The following ANKRD17 variants were observed in gnomAD, a reference collection of about 807,000 sequenced individuals.
ANKRD17 encodes ankyrin repeat domain-containing protein 17.
In ANKRD17, 19 loss-of-function variants were observed where a neutral mutation model predicts 229.7. The ratio of observed to expected loss-of-function variants is 0.08; its 90% CI spans 0.06 to 0.12. The LOEUF (loss-of-function observed/expected upper bound fraction) is 0.12. Ranked by LOEUF, ANKRD17 falls within the 10% of genes least tolerant of loss-of-function variation. The pLI, the probability that ANKRD17 is intolerant of heterozygous loss-of-function variation, is 1.00. For synonymous variants in ANKRD17, 1,112 were observed against 1,146.1 expected (o/e 0.97, Z 0.60); for missense variants, 2,176 against 3,176.8 (o/e 0.68, Z 7.57).
chr4:73,210,806 C>A (rs1740149587), intron 1 of ANKRD17, among the ~76,000 whole-genome samples: 1 of 151,492 alleles, frequency 6.6e-6, no homozygotes, highest in African/African-American at 2.4e-5. Flanking sequence ...TATGAGTCCT[C>A]CAAATCATCT....
At chr4:73,090,105 T>C (rs867338734) in intron 29 of ANKRD17, among the ~76,000 whole-genome samples, 13 of 152,196 alleles carry the variant, frequency 8.5e-5, no homozygotes, top group Admixed American at 3.9e-4. Context: ...ATGAAAGACT[T>C]CTGAGAGAGA....
At chr4:73,159,394 C>T (rs1384440499) in intron 3 of ANKRD17, among the ~76,000 whole-genome samples, 3 of 152,154 alleles carry the variant, frequency 2.0e-5, no homozygotes, top group Non-Finnish European at 4.4e-5. Context: ...TGTATACCAG[C>T]TTGAAAACAA....
In ANKRD17 at chr4:73,092,019, A is replaced by G; in HGVS notation, c.5609T>C (p.Val1870Ala). The part of the protein sequence containing the change: ...ASTHKTIKNP[V>A]NNVRPGFPVS... ...TGGAAAACCAGGCCTCACATTATTCACTGGGTTCTTAATGGTTTTGTGAGT... is the reference window on the plus strand; with the variant it reads ...TGGAAAACCAGGCCTCACATTATTCGCTGGGTTCTTAATGGTTTTGTGAGT... Residue 1870 changes from valine (V) to alanine (A), a missense_variant, in exon 29 of 34, where the codon GTG becomes GCG. Transcript: ENST00000358602. The G allele has an allele frequency of 1.2e-6, 2 of 1,614,186 alleles. No homozygotes were observed. The highest frequency in any genetic ancestry group is 2.2e-5 in the South Asian group (2 of 91,086).
intron 16 of ANKRD17, among the ~76,000 whole-genome samples, chr4:73,133,122 C>T (rs978600219): frequency 6.6e-5 from 10 of 151,816 alleles, no homozygotes; most frequent in Admixed American, 4.6e-4. Flanking sequence ...TGATGGTGGG[C>T]GCCTGTAATC....
At chr4:73,092,390 A>T (rs1722875929) in intron 28 of ANKRD17, 90 bp from the exon 29 acceptor site, 1 of 1,053,192 alleles carries the variant, frequency 9.5e-7, no homozygotes, top group Non-Finnish European at 1.4e-6. Context: ...ACACAAACAC[A>T]CACACAGTTT....
At chr4:73,138,235 T>C (rs1729158166) in intron 15 of ANKRD17, among the ~76,000 whole-genome samples, 2 of 152,128 alleles carry the variant, frequency 1.3e-5, no homozygotes, top group South Asian at 2.1e-4. Context: ...TTCAAATCTA[T>C]AGAAAAATTT....
chr4:73,110,793 T>G (rs1351815772), intron 24 of ANKRD17, among the ~76,000 whole-genome samples: 2 of 152,230 alleles, frequency 1.3e-5, no homozygotes, highest in African/African-American at 4.8e-5. Context: ...CACTCAAAAC[T>G]ATACATAAAA....
At chr4:73,141,643 C>T (rs1252707265) in intron 14 of ANKRD17, 98 bp downstream of exon 14, 7 of 1,186,654 alleles carry the variant, frequency 5.9e-6, no homozygotes, top group Admixed American at 2.2e-5. Context: ...GTAATGCCAA[C>T]TTAGTAAACT....
chr4:73,164,314 T>A (rs949887917), intron 2 of ANKRD17, among the ~76,000 whole-genome samples: 1 of 152,258 alleles, frequency 6.6e-6, no homozygotes, highest in Non-Finnish European at 1.5e-5. Context: ...TAAATCTTTA[T>A]GAACTTCTTG....
chr4:73,177,560 G>A, intron 1 of ANKRD17, 27 bp from the exon 2 acceptor site: 8 of 1,568,102 alleles, frequency 5.1e-6, no homozygotes, highest in East Asian at 4.5e-5. Context: ...AAAAGAGGGA[G>A]GAAGGGAGAA....
At chr4:73,202,318 TAAAAAAAAA>T (rs10533861) in intron 1 of ANKRD17, among the ~76,000 whole-genome samples, 2 of 21,938 alleles carry the variant, frequency 9.1e-5, no homozygotes, top group African/African-American at 1.9e-4. Context: ...GGAACAGGAT[TAAAAAAAAA>T]AAAAAAAAAA....
At chr4:73,183,985 G>A (rs1735926644) in intron 1 of ANKRD17, among the ~76,000 whole-genome samples, 1 of 152,056 alleles carries the variant, frequency 6.6e-6, no homozygotes, top group African/African-American at 2.4e-5. Context: ...ATTTAATAAT[G>A]AAAACCAAGG....
intron 1 of ANKRD17, among the ~76,000 whole-genome samples, chr4:73,199,507 C>G (rs955730931): frequency 5.9e-5 from 9 of 152,098 alleles, no homozygotes; most frequent in African/African-American, 2.2e-4. Context: ...AGAAATTTAA[C>G]AATTACAGTT....
chr4:73,218,889 C>T (rs761800548), intron 1 of ANKRD17, among the ~76,000 whole-genome samples: 4 of 152,020 alleles, frequency 2.6e-5, no homozygotes, highest in Non-Finnish European at 4.4e-5. Flanking sequence ...AGTGAAACCC[C>T]GTCTCTACTA....
intron 2 of ANKRD17, among the ~76,000 whole-genome samples, chr4:73,177,139 C>T (rs1301144314): frequency 1.3e-5 from 2 of 152,154 alleles, no homozygotes; most frequent in East Asian, 3.9e-4. Context: ...AATAATCAAA[C>T]TCAACTGAAA....
intron 1 of ANKRD17, among the ~76,000 whole-genome samples, chr4:73,257,044 C>T (rs1745515113): frequency 6.6e-6 from 1 of 152,204 alleles, no homozygotes; most frequent in South Asian, 2.1e-4. Context: ...ACCAGACTTG[C>T]ATCAAAATAA....
chr4:73,250,018 C>A (rs936086097), intron 1 of ANKRD17, among the ~76,000 whole-genome samples: 1 of 152,058 alleles, frequency 6.6e-6, no homozygotes, highest in African/African-American at 2.4e-5. Context: ...GTACAGCAGC[C>A]AAAAATATAC....
intron 22 of ANKRD17, among the ~76,000 whole-genome samples, chr4:73,116,911 G>T (rs767312029): frequency 1.3e-5 from 2 of 152,004 alleles, no homozygotes; most frequent in Non-Finnish European, 2.9e-5. Context: ...CACATGTTAG[G>T]TACTCAAGAA....
intron 1 of ANKRD17, among the ~76,000 whole-genome samples, chr4:73,216,250 A>G (rs1741019562): frequency 6.6e-6 from 1 of 152,098 alleles, no homozygotes; most frequent in Non-Finnish European, 1.5e-5. Flanking sequence ...ATGGTTTATC[A>G]TTTTTTTAAA....
Sources: allele counts gnomAD v4.1 joint callset (sites outside exome capture counted in the v4.1 genomes callset), GRCh38; gene constraint gnomAD v4.1.1; transcripts MANE v1.5; gene names NCBI Gene and HGNC (gene_info 2026-07-23, HGNC 2026-07-21).